The following HIVEP1 variants were observed in gnomAD, a reference collection of about 807,000 sequenced individuals.
HIVEP1 encodes the protein HIVEP zinc finger 1.
HIVEP1 carries 36 observed loss-of-function variants against 180.0 expected under a neutral mutation model. That is an observed-to-expected ratio of 0.20 (90% confidence interval 0.15 to 0.26). The LOEUF (loss-of-function observed/expected upper bound fraction) is 0.26, where lower values mean the gene tolerates loss of function less well. Ranked by LOEUF, HIVEP1 falls within the 10% of genes least tolerant of loss-of-function variation. HIVEP1 has a pLI of 1.00. For synonymous variants in HIVEP1, 1,239 were observed against 1,239.0 expected, an observed-to-expected ratio of 1.00 and a Z score of 0.00; for missense variants, 3,143 against 3,268.7, an observed-to-expected ratio of 0.96 and a Z score of 0.94.
chr6:12,168,233 A>G (rs1198173044), downstream of HIVEP1, among the ~76,000 whole-genome samples: 1 of 109,846 alleles, frequency 9.1e-6, no homozygotes, highest in Non-Finnish European at 1.8e-5. Context: ...TATTATATAC[A>G]TATATATTAT....
chr6:12,168,374 A>G (rs1348344218), downstream of HIVEP1, among the ~76,000 whole-genome samples: 2 of 127,962 alleles, frequency 1.6e-5, no homozygotes, highest in African/African-American at 5.5e-5. Flanking sequence ...ATACATATAC[A>G]TGTATATATG....
At chr6:12,093,674 C>T (rs142139322) in intron 3 of HIVEP1, among the ~76,000 whole-genome samples, 350 of 151,596 alleles carry the variant, frequency 2.3e-3, no homozygotes, top group African/African-American at 7.8e-3. Flanking sequence ...TTTACTGTTT[C>T]GTATTAATTT....
intron 2 of HIVEP1, among the ~76,000 whole-genome samples, chr6:12,017,779 A>C (rs954087993): frequency 1.3e-5 from 2 of 152,100 alleles, no homozygotes. Flanking sequence ...GAGCTAGATA[A>C]AGAGTGCTGA....
chr6:12,084,509 G>C (rs1772991125), intron 2 of HIVEP1, among the ~76,000 whole-genome samples: 1 of 152,112 alleles, frequency 6.6e-6, no homozygotes, highest in African/African-American at 2.4e-5. Context: ...GGCTGTGTGT[G>C]CTGGATACAA....
rs1168921396 is a variant in HIVEP1 at position 12,123,724 on chromosome 6, G to A, written c.3929G>A (p.Ser1310Asn). 4.3e-6 allele frequency: 7 copies of A among 1,614,018 alleles called. No individual in the cohort carries two copies. The highest frequency in any genetic ancestry group is 5.9e-6 in the Non-Finnish European group (7 of 1,179,998). Residue 1310 changes from serine to asparagine, a missense_variant, in exon 4 of 9, where the codon AGC (serine) becomes AAC (asparagine). Physicochemically the swap from Ser to Asn is conservative, Grantham distance 46 (BLOSUM62 1). Coordinates refer to ENST00000379388, the MANE Select transcript of HIVEP1 (RefSeq NM_002114.4). The stretch of plus-strand genomic sequence containing the variant: ...CTCTCCAGGAGTCTAAGTAGGGAGA[G>A]CAGTTTATCTCACACTTCAAGTTTC... ...STLSRSLSRE[S>N]SLSHTSSFSA...
At chr6:12,189,174 AAAT>A in the HIVEP1 span, among the ~76,000 whole-genome samples, 4 of 151,982 alleles carry the variant, frequency 2.6e-5, no homozygotes, top group Non-Finnish European at 5.9e-5. Context: ...TCACCAAAAT[AAAT>A]TTCAGATTGA....
At chr6:12,078,145 T>G (rs912040684) in intron 2 of HIVEP1, among the ~76,000 whole-genome samples, 2 of 152,174 alleles carry the variant, frequency 1.3e-5, no homozygotes, top group African/African-American at 4.8e-5. Flanking sequence ...GGTCTGTTGA[T>G]CTCAATACTC....
At chr6:12,130,673 G>A in intron 5 of HIVEP1, 94 bp from the exon 6 acceptor site, 1 of 635,168 alleles carries the variant, frequency 1.6e-6, no homozygotes, top group Non-Finnish European at 2.6e-6. Context: ...TAAAAGTTGT[G>A]CCTTGTTTTA....
At chr6:12,136,990 A>C (rs1205969867) in intron 7 of HIVEP1, among the ~76,000 whole-genome samples, 2 of 152,196 alleles carry the variant, frequency 1.3e-5, no homozygotes, top group Non-Finnish European at 2.9e-5. Context: ...TCTAGAGAAA[A>C]TTTCCAAAGA....
chr6:12,060,835 G>A lies in HIVEP1; in HGVS notation c.41-28349G>A, dbSNP rs145061591. On this transcript the variant is annotated intron_variant, in intron 2 of 8. Coordinates refer to ENST00000379388, the MANE Select transcript of HIVEP1 (RefSeq NM_002114.4). The stretch of plus-strand genomic sequence containing the variant: ...CTCTCGGATGCAGAATAAGAAGAAT[G>A]CATTACTGTGACTTTAAGAAGGAAA... Among the ~76,000 whole-genome samples the A allele has an allele frequency of 1.2e-4, 19 of 152,308 alleles. No individual in the cohort carries two copies. The East Asian group carries it at 3.5e-3, about 28-fold the overall frequency.
intron 2 of HIVEP1, among the ~76,000 whole-genome samples, chr6:12,054,064 A>G (rs1485028766): frequency 6.6e-6 from 1 of 152,224 alleles, no homozygotes; most frequent in Non-Finnish European, 1.5e-5. Context: ...AATAGCTTTC[A>G]GGCTCGCATT....
chr6:12,159,098 TTG>T (rs1236243582), intron 7 of HIVEP1, among the ~76,000 whole-genome samples: 4 of 152,168 alleles, frequency 2.6e-5, no homozygotes, highest in Non-Finnish European at 5.9e-5. Flanking sequence ...TGACACAAGC[TTG>T]TGTCTCCTTA....
At chr6:12,157,623 A>C (rs1422317303) in intron 7 of HIVEP1, among the ~76,000 whole-genome samples, 3 of 152,176 alleles carry the variant, frequency 2.0e-5, no homozygotes, top group African/African-American at 7.2e-5. Flanking sequence ...CTGTGAACGC[A>C]CAGTACATTG....
downstream of HIVEP1, among the ~76,000 whole-genome samples, chr6:12,168,152 TAC>T (rs146398719): frequency 0.056 from 5,488 of 97,962 alleles, 1,780 homozygotes; most frequent in East Asian, 0.21. Flanking sequence ...ATATTATATA[TAC>T]AGATATACGT....
At chr6:12,021,596 T>C (rs1398987974) in intron 2 of HIVEP1, among the ~76,000 whole-genome samples, 1 of 152,218 alleles carries the variant, frequency 6.6e-6, no homozygotes, top group African/African-American at 2.4e-5. Context: ...TCTCTTATCT[T>C]AGCGGGATTA....
At chr6:12,151,808 C>CAAT (rs546889715) in intron 7 of HIVEP1, among the ~76,000 whole-genome samples, 9 of 152,274 alleles carry the variant, frequency 5.9e-5, no homozygotes, top group Non-Finnish European at 1.3e-4. Flanking sequence ...GGCTGTGTTC[C>CAAT]AATAAAACTT....
chr6:12,122,929 A>G lies in HIVEP1; in HGVS notation c.3134A>G (p.Gln1045Arg). 1 of 1,613,988 alleles carries G rather than the reference A, an allele frequency of 6.2e-7. No individual in the cohort carries two copies. The highest frequency in any genetic ancestry group is 8.5e-7 in the Non-Finnish European group (1 of 1,179,970). The change falls in exon 4 of 9, where the codon CAA (glutamine) becomes CGA (arginine). Residue 1045 changes from glutamine (Q) to arginine (R), a missense_variant. Coordinates refer to ENST00000379388, the MANE Select transcript of HIVEP1 (RefSeq NM_002114.4). ...GTTGGGGATGATGAAGAACTTCAGC[A>G]AAATGAAAGTGGAACATCTCCAAAA... ...KSVGDDEELQ[Q>R]NESGTSPKSS...
intron 7 of HIVEP1, among the ~76,000 whole-genome samples, chr6:12,159,372 T>C (rs936156238): frequency 1.3e-5 from 2 of 151,280 alleles, no homozygotes; most frequent in African/African-American, 4.8e-5. Context: ...CAAATTTTAC[T>C]TCTTTAAAGA....
chr6:12,191,030 G>C, the HIVEP1 span, among the ~76,000 whole-genome samples: 2 of 151,640 alleles, frequency 1.3e-5, no homozygotes, highest in Non-Finnish European at 2.9e-5. Context: ...CATATTTCTT[G>C]ACAATCTCCA....
Sources: allele counts gnomAD v4.1 joint callset (sites outside exome capture counted in the v4.1 genomes callset), GRCh38; gene constraint gnomAD v4.1.1; transcripts MANE v1.5; gene names NCBI Gene and HGNC (gene_info 2026-07-23, HGNC 2026-07-21).